The following NBPF15 variants were observed in gnomAD, a reference collection of about 807,000 sequenced individuals.
The protein encoded by NBPF15 is NBPF member 15.
A neutral mutation model predicts 62.2 loss-of-function variants in NBPF15; 74 were observed. The observed-to-expected ratio is 1.19, with a 90% confidence interval of 0.99 to 1.44. The LOEUF is 1.44. NBPF15 is among the 40% of genes most tolerant of loss of function. The pLI, the probability that NBPF15 is intolerant of heterozygous loss-of-function variation, is 0.00. For missense variants in NBPF15, 790 were observed against 550.0 expected, an observed-to-expected ratio of 1.44 and a Z score of -4.36; for synonymous variants, 244 against 209.7, an observed-to-expected ratio of 1.16 and a Z score of -1.41.
intron 6 of NBPF15, among the ~76,000 whole-genome samples, chr1:144,442,036 G>A (rs1683256869): frequency 6.9e-6 from 1 of 144,972 alleles, no homozygotes; most frequent in Non-Finnish European, 1.5e-5. Context: ...GGGAGGGATA[G>A]CATTAGGATA....
chr1:144,432,133 T>C (rs1458020224), intron 13 of NBPF15, among the ~76,000 whole-genome samples: 2 of 151,992 alleles, frequency 1.3e-5, no homozygotes, highest in East Asian at 3.9e-4. Context: ...TTCCTATTTC[T>C]CCACATCCTC....
At chr1:144,445,613 C>T (rs1233046768) in intron 6 of NBPF15, among the ~76,000 whole-genome samples, 1 of 150,432 alleles carries the variant, frequency 6.6e-6, no homozygotes, top group Non-Finnish European at 1.5e-5. Flanking sequence ...TGATCATTGA[C>T]ATTACCATAT....
chr1:144,424,596 T>A (rs1432904924), intron 20 of NBPF15, 94 bp downstream of exon 20: 2 of 657,406 alleles, frequency 3.0e-6, no homozygotes, highest in Non-Finnish European at 5.4e-6. Context: ...GGCAATGACA[T>A]CTCTCAGCTC....
At chr1:144,423,453 CAGAG>C (rs781837791) in intron 21 of NBPF15, among the ~76,000 whole-genome samples, 197 bp from the exon 22 acceptor site, 2,390 of 151,184 alleles carry the variant, frequency 0.016, 50 homozygotes, top group Non-Finnish European at 0.025. Flanking sequence ...AAGAGAAAGA[CAGAG>C]AGAGAGAGAC....
chr1:144,451,523 A>G (rs1691141641), intron 4 of NBPF15, among the ~76,000 whole-genome samples: 1 of 151,740 alleles, frequency 6.6e-6, no homozygotes, highest in Non-Finnish European at 1.5e-5. Context: ...ATGGGGAGAA[A>G]CCTTGGACAA....
At chr1:144,455,168 G>A (rs1693674558) in intron 4 of NBPF15, among the ~76,000 whole-genome samples, 1 of 148,698 alleles carries the variant, frequency 6.7e-6, no homozygotes, top group Admixed American at 6.7e-5. Flanking sequence ...AGGCAGGGAG[G>A]GAGAGAGGAA....
chr1:144,436,217 C>A (rs1269346689), intron 10 of NBPF15, among the ~76,000 whole-genome samples: 7 of 152,172 alleles, frequency 4.6e-5, no homozygotes, highest in Admixed American at 2.0e-4. Flanking sequence ...AAACCTAATT[C>A]TTTCTCTTAG....
intron 4 of NBPF15, among the ~76,000 whole-genome samples, chr1:144,451,992 A>T (rs1375068676): frequency 6.6e-6 from 1 of 151,644 alleles, no homozygotes; most frequent in African/African-American, 2.4e-5. Context: ...TCTCTACCAA[A>T]AATACAAACA....
At chr1:144,455,129 G>A (rs1194899798) in intron 4 of NBPF15, among the ~76,000 whole-genome samples, 2 of 144,490 alleles carry the variant, frequency 1.4e-5, no homozygotes, top group African/African-American at 5.2e-5. Flanking sequence ...GGGAGGAAGG[G>A]AGGGAGGAAG....
At chr1:144,425,100 A>G (rs1273010068) in intron 19 of NBPF15, among the ~76,000 whole-genome samples, 2,469 of 140,104 alleles carry the variant, frequency 0.018, 10 homozygotes, top group African/African-American at 0.074. Context: ...ACACACACAC[A>G]CACAGACACA....
intron 21 of NBPF15, among the ~76,000 whole-genome samples, 166 bp from the exon 22 acceptor site, chr1:144,423,422 G>T (rs587683442): frequency 3.3e-5 from 5 of 151,990 alleles, no homozygotes; most frequent in Admixed American, 3.3e-4. Context: ...GGATAGAACA[G>T]GGCCAGGTAG....
Position 144,423,195 on chromosome 1 carries a change from A to G in NBPF15, c.1831T>C (p.Cys611Arg). ...AAGTACATTGACGGAGTCGAATAACATCTATCCAGTGAGTCCTGTAAGACT... is the reference window on the plus strand; with the variant it reads ...AAGTACATTGACGGAGTCGAATAACGTCTATCCAGTGAGTCCTGTAAGACT... Reference protein sequence around the residue: ...PEVLQDSLDRCYSTPSMYFEQ... With the variant: ...PEVLQDSLDRRYSTPSMYFEQ... Residue 611 changes from cysteine (C) to arginine (R), a missense_variant, in exon 22 of 22, where the codon TGT becomes CGT. Cys to Arg is a radical substitution (Grantham distance 180). Coordinates refer to ENST00000581897, the MANE Select transcript of NBPF15 (RefSeq NM_001385408.1). 2.5e-6 allele frequency: 4 copies of G among 1,611,628 alleles called. No homozygotes were observed. In the South Asian group the frequency reaches 3.3e-5, roughly 13 times the overall value.
chr1:144,424,175 G>T (rs1380799750), intron 20 of NBPF15, among the ~76,000 whole-genome samples, 200 bp from the exon 21 acceptor site: 9 of 152,022 alleles, frequency 5.9e-5, no homozygotes, highest in Admixed American at 2.0e-4. Flanking sequence ...TGGGTAAAGT[G>T]TCCCTATTCT....
chr1:144,455,381 C>A (rs1264179568), intron 4 of NBPF15, among the ~76,000 whole-genome samples: 3 of 152,006 alleles, frequency 2.0e-5, no homozygotes, highest in Non-Finnish European at 2.9e-5. Flanking sequence ...AACAGGAACA[C>A]GCTAACTAGT....
chr1:144,434,093 A>G (rs1315867486), intron 12 of NBPF15, among the ~76,000 whole-genome samples: 1 of 148,276 alleles, frequency 6.7e-6, no homozygotes, highest in Non-Finnish European at 1.5e-5. Flanking sequence ...TTTTTTCCCC[A>G]AAAAAATCTC....
chr1:144,422,958 C>A lies in NBPF15; in HGVS notation c.*55G>T, dbSNP rs1301813159. 4 of 1,611,448 alleles carry A rather than the reference C, an allele frequency of 2.5e-6. No homozygotes were observed. In the African/African-American group the frequency reaches 4.0e-5, roughly 16 times the overall value. The stretch of plus-strand genomic sequence containing the variant: ...AACTGTACTTTCATTCAAATCTTCT[C>A]GTGCCTATAGGTCCTGCCTGCAGGA... On this transcript the variant is annotated 3_prime_UTR_variant, in exon 22 of 22. Coordinates refer to ENST00000581897, the MANE Select transcript of NBPF15 (RefSeq NM_001385408.1).
chr1:144,426,507 C>A, intron 17 of NBPF15, 57 bp from the exon 18 acceptor site: 2 of 784,706 alleles, frequency 2.5e-6, no homozygotes, highest in Non-Finnish European at 4.7e-6. Flanking sequence ...ACCACACAGC[C>A]CCAGCTAGAT....
At chr1:144,434,860 G>T (rs77772638) in intron 12 of NBPF15, among the ~76,000 whole-genome samples, 2 of 152,094 alleles carry the variant, frequency 1.3e-5, no homozygotes, top group South Asian at 2.1e-4. Context: ...TGACAGATAT[G>T]GCCTGTGCAC....
At chr1:144,454,909 G>A (rs587629333) in intron 4 of NBPF15, among the ~76,000 whole-genome samples, 4 of 150,510 alleles carry the variant, frequency 2.7e-5, no homozygotes, top group South Asian at 4.2e-4. Flanking sequence ...GCTACAGGAC[G>A]AGCTCCCTGC....
Sources: gnomAD v4.1 joint callset for allele counts (sites outside exome capture counted in the v4.1 genomes callset) on GRCh38, gnomAD v4.1.1 for gene constraint, MANE v1.5 for transcripts, NCBI Gene and HGNC (gene_info 2026-07-23, HGNC 2026-07-21) for gene names.